ASB4: variants seen among roughly 807,000 people sequenced by gnomAD.
ASB4 encodes ankyrin repeat and SOCS box containing 4.
Under a neutral mutation model 38.6 loss-of-function variants are expected in ASB4, and 35 were observed. The ratio of observed to expected loss-of-function variants is 0.91; its 90% CI spans 0.69 to 1.20. The LOEUF (loss-of-function observed/expected upper bound fraction) is 1.20, where lower values mean the gene tolerates loss of function less well. Ranked by LOEUF, ASB4 falls within the 50% of genes most tolerant of loss-of-function variation. The probability of loss-of-function intolerance (pLI) is 0.00; values close to 1 mark genes in which losing one functional copy is unlikely to be tolerated. For missense variants in ASB4, 557 were observed against 527.2 expected, an observed-to-expected ratio of 1.06 and a Z score of -0.55; for synonymous variants, 195 against 201.3, an observed-to-expected ratio of 0.97 and a Z score of 0.26.
At position 95,534,430 on chromosome 7, in the gene ASB4, C is replaced by T. The variant is rs546734150; in HGVS notation, c.979-2007C>T. ...TTATTTCTGTCAATCAGTGGCAACTCTTGTTTGTCCTCTATCTCTGGCTTC... is the reference window on the plus strand; with the variant it reads ...TTATTTCTGTCAATCAGTGGCAACTTTTGTTTGTCCTCTATCTCTGGCTTC... On this transcript the variant is annotated intron_variant, in intron 3 of 4. Coordinates refer to ENST00000325885, the MANE Select transcript of ASB4 (RefSeq NM_016116.3). Among the ~76,000 whole-genome samples the T allele has an allele frequency of 1.4e-3, 207 of 152,144 alleles. 2 individuals are homozygous for T. The Middle Eastern group carries it at 0.031, about 22-fold the overall frequency.
chr7:95,543,167 A>T (rs1790992401), downstream of ASB4: 1 of 152,310 alleles, frequency 6.6e-6, no homozygotes, highest in African/African-American at 2.4e-5. Flanking sequence ...GAATAATTTG[A>T]TTCAGGAAGC....
In ASB4 at chr7:95,495,723, T is replaced by TA. The variant is rs767916695; in HGVS notation, c.188-32dup. 6 of 1,552,530 alleles carry TA rather than the reference T, an allele frequency of 3.9e-6. No homozygotes were observed. The South Asian group carries it at 6.0e-5, about 16-fold the overall frequency. ...AGGGAGAAAGCCTAGGTCAAGAAGT[T>TA]AAACTTTCCTTTTCCTTTTTTTTTT... On this transcript the variant is annotated intron_variant, in intron 1 of 4. Transcript: ENST00000325885.
At chr7:95,515,230 T>TTTC (rs1491146385) in intron 2 of ASB4, among the ~76,000 whole-genome samples, 12 of 107,704 alleles carry the variant, frequency 1.1e-4, no homozygotes, top group Non-Finnish European at 1.5e-4. Context: ...TCTTTCTTTC[T>TTTC]TTTTCTTTCT....
intron 2 of ASB4, among the ~76,000 whole-genome samples, chr7:95,503,417 G>C (rs368555891): frequency 6.6e-6 from 1 of 152,198 alleles, no homozygotes; most frequent in Non-Finnish European, 1.5e-5. Context: ...CACATAGAAA[G>C]TGCTCAATAA....
At chr7:95,544,066 C>T (rs1219529060), downstream of ASB4, 1 of 152,064 alleles carries the variant, frequency 6.6e-6, no homozygotes, top group African/African-American at 2.4e-5. Context: ...TACTAATTAA[C>T]CCTCCCTTCT....
chr7:95,537,851 T>C lies in ASB4; in HGVS notation c.*92T>C. On this transcript the variant is annotated 3_prime_UTR_variant, in exon 5 of 5. Coordinates refer to ENST00000325885, the MANE Select transcript of ASB4 (RefSeq NM_016116.3). ...CTAAATAAAATGGTACTTGGGTTGA[T>C]TATAACACTTCAGGGATTTCAAAAC... The C allele has an allele frequency of 1.9e-6, 2 of 1,043,984 alleles. No individual in the cohort carries two copies. 64.7% of individuals were successfully genotyped at this position (1,043,984 alleles called of 1,614,324 possible).
the ASB4 span, among the ~76,000 whole-genome samples, chr7:95,545,804 G>A: frequency 5.3e-5 from 8 of 152,260 alleles, no homozygotes; most frequent in African/African-American, 1.9e-4. Context: ...AAAGAGACAG[G>A]AGAAAAGCCT....
At chr7:95,528,848 T>C in intron 3 of ASB4, 1 of 375,938 alleles carries the variant, frequency 2.7e-6, no homozygotes, top group Non-Finnish European at 3.7e-6. Flanking sequence ...ACGAGGTATA[T>C]ATTATTATTG....
chr7:95,479,575 A>G (rs1790006811), intron 1 of ASB4, among the ~76,000 whole-genome samples: 1 of 152,140 alleles, frequency 6.6e-6, no homozygotes. Flanking sequence ...GTGGTTTGAA[A>G]ATTTTTTGTG....
At position 95,527,953 on chromosome 7, in the gene ASB4, A is replaced by AC. The variant is rs755679889; in HGVS notation, c.634dup (p.Leu212ProfsTer12). The AC allele has an allele frequency of 6.2e-6, 10 of 1,613,634 alleles. No individual in the cohort carries two copies. The highest frequency in any genetic ancestry group is 3.3e-4 in the Middle Eastern group (2 of 6,056). ...GGACAGCGTGAATGCCCACATGGAG[A>AC]CCCCCCTGGCCATCGCCGCCTACTG... is the stretch of plus-strand genomic sequence containing the variant. On this transcript the variant is annotated frameshift_variant, in exon 3 of 5. Transcript: ENST00000325885. LOFTEE classifies it high-confidence loss of function.
intron 2 of ASB4, among the ~76,000 whole-genome samples, chr7:95,526,018 T>A (rs982845971): frequency 6.6e-6 from 1 of 152,188 alleles, no homozygotes; most frequent in African/African-American, 2.4e-5. Flanking sequence ...GAACAATACA[T>A]GGTAAACGGA....
intron 2 of ASB4, among the ~76,000 whole-genome samples, chr7:95,496,623 G>T (rs1386863179): frequency 6.6e-6 from 1 of 152,118 alleles, no homozygotes; most frequent in African/African-American, 2.4e-5. Flanking sequence ...AAGGTGAGAG[G>T]ATCACTTGAG....
chr7:95,496,089 C>A, intron 2 of ASB4, 32 bp downstream of exon 2: 2 of 1,586,584 alleles, frequency 1.3e-6, no homozygotes, highest in South Asian at 2.3e-5. Flanking sequence ...ACATTGTTGT[C>A]TGCTTGTACA....
upstream of ASB4, among the ~76,000 whole-genome samples, chr7:95,474,475 G>A (rs541831092): frequency 6.6e-5 from 10 of 152,168 alleles, no homozygotes; most frequent in South Asian, 1.5e-3. Flanking sequence ...CTGGACACCT[G>A]GTTATGATTG....
At chr7:95,519,318 G>T (rs1020962497) in intron 2 of ASB4, among the ~76,000 whole-genome samples, 1 of 152,140 alleles carries the variant, frequency 6.6e-6, no homozygotes, top group African/African-American at 2.4e-5. Flanking sequence ...AAAATGAAAA[G>T]CCCTGAATAG....
upstream of ASB4, among the ~76,000 whole-genome samples, chr7:95,483,249 T>C (rs576460002): frequency 6.6e-6 from 1 of 152,338 alleles, no homozygotes; most frequent in East Asian, 1.9e-4. Flanking sequence ...GCTGCACTCT[T>C]ACTGCTGACT....
At chr7:95,502,393 G>C (rs891008768) in intron 2 of ASB4, among the ~76,000 whole-genome samples, 1 of 96,814 alleles carries the variant, frequency 1.0e-5, no homozygotes, top group Non-Finnish European at 2.5e-5. Context: ...CCAGCCTGCG[G>C]GGGGGGGGCA....
At chr7:95,498,002 G>A (rs1562811876) in intron 2 of ASB4, among the ~76,000 whole-genome samples, 1 of 152,164 alleles carries the variant, frequency 6.6e-6, no homozygotes, top group African/African-American at 2.4e-5. Flanking sequence ...TTGCATACAG[G>A]TTTTTATGTG....
intron 2 of ASB4, among the ~76,000 whole-genome samples, chr7:95,502,320 T>C (rs1457048865): frequency 1.3e-5 from 2 of 148,626 alleles, no homozygotes; most frequent in East Asian, 2.0e-4. Flanking sequence ...CAAAAGATAA[T>C]ACATATATGA....
Sources: gnomAD v4.1 joint callset for allele counts (sites outside exome capture counted in the v4.1 genomes callset) on GRCh38, gnomAD v4.1.1 for gene constraint, MANE v1.5 for transcripts, NCBI Gene and HGNC (gene_info 2026-07-23, HGNC 2026-07-21) for gene names.